SPRED2: variants seen among roughly 807,000 people sequenced by gnomAD.
SPRED2 encodes the protein sprouty-related, EVH1 domain-containing protein 2.
A neutral mutation model predicts 43.0 loss-of-function variants in SPRED2; 47 were observed. The observed-to-expected ratio is 1.09, with a 90% CI of 0.87 to 1.40. The LOEUF is 1.40. Among genes scored for constraint, SPRED2 ranks in the 40% most tolerant of loss-of-function variants. The pLI, the probability that SPRED2 is intolerant of heterozygous loss-of-function variation, is 0.00. For synonymous variants in SPRED2, 225 were observed against 225.7 expected, an observed-to-expected ratio of 1.00 and a Z score of 0.03; for missense variants, 561 against 586.4, an observed-to-expected ratio of 0.96 and a Z score of 0.45.
intron 4 of SPRED2, among the ~76,000 whole-genome samples, chr2:65,323,747 G>A (rs1200934449): frequency 2.6e-5 from 4 of 152,038 alleles, no homozygotes; most frequent in East Asian, 1.9e-4. Context: ...GTGGTGGCAG[G>A]AACCTGTAGT....
chr2:65,419,019 A>G (rs1460391129), intron 1 of SPRED2, among the ~76,000 whole-genome samples: 2 of 152,190 alleles, frequency 1.3e-5, no homozygotes, highest in Non-Finnish European at 2.9e-5. Flanking sequence ...AGAGATGAGA[A>G]AACTGAGTCT....
chr2:65,381,253 G>C lies in SPRED2; in HGVS notation c.27-36357C>G, dbSNP rs190603185. Among the ~76,000 whole-genome samples, 851 of 152,270 alleles carry C rather than the reference G, an allele frequency of 5.6e-3. 5 individuals are homozygous for C. The highest frequency in any genetic ancestry group is 9.3e-3 in the Non-Finnish European group (632 of 68,026). ...GAATTTAACCCTCCCTTGGTGTTGT[G>C]TCCCAGCCTGCACCAGCAGATGTCT... On this transcript the variant is annotated intron_variant, in intron 1 of 5. Transcript: ENST00000356388.
At chr2:65,411,812 C>T (rs1027351540) in intron 1 of SPRED2, among the ~76,000 whole-genome samples, 5 of 152,102 alleles carry the variant, frequency 3.3e-5, no homozygotes, top group African/African-American at 1.2e-4. Context: ...GGATTGAGTA[C>T]TCCGTAGTTT....
intron 1 of SPRED2, among the ~76,000 whole-genome samples, chr2:65,352,780 C>A (rs35749233): frequency 0.11 from 16,779 of 152,056 alleles, 1,373 homozygotes; most frequent in Non-Finnish European, 0.16. Context: ...TGCTCCAACA[C>A]GCCCAGCTAA....
chr2:65,312,486 CA>C lies in SPRED2; in HGVS notation c.*1014del, dbSNP rs1189567319. Reference sequence around the variant, plus strand: ...AGAAGCTCCCTATGGTTTTATTCACCATAACCTTAGTGTTTCTCAACTGGAA... The same window carrying C: ...AGAAGCTCCCTATGGTTTTATTCACCTAACCTTAGTGTTTCTCAACTGGAA... On this transcript the variant is annotated 3_prime_UTR_variant, in exon 6 of 6. Coordinates refer to ENST00000356388, the MANE Select transcript of SPRED2 (RefSeq NM_181784.3). The C allele has an allele frequency of 1.0e-6, 1 of 985,240 alleles. No individual in the cohort carries two copies. Among genetic ancestry groups the C allele is most frequent in the Non-Finnish European group, 1.2e-6 (1 of 829,924 alleles). 61.0% of individuals were successfully genotyped at this position (985,240 alleles called of 1,614,324 possible).
At chr2:65,368,365 G>C (rs1675037916) in intron 1 of SPRED2, among the ~76,000 whole-genome samples, 1 of 152,110 alleles carries the variant, frequency 6.6e-6, no homozygotes, top group African/African-American at 2.4e-5. Flanking sequence ...CTCCTCACGA[G>C]GACTGCAGGC....
intron 1 of SPRED2, among the ~76,000 whole-genome samples, chr2:65,417,292 G>A (rs1254997681): frequency 3.3e-5 from 5 of 152,158 alleles, no homozygotes; most frequent in Admixed American, 1.3e-4. Flanking sequence ...CAAAAACCTT[G>A]GAACTTCACA....
chr2:65,371,893 T>C (rs1675133369), intron 1 of SPRED2, among the ~76,000 whole-genome samples: 1 of 151,976 alleles, frequency 6.6e-6, no homozygotes, highest in African/African-American at 2.4e-5. Flanking sequence ...TTGGCTAACA[T>C]GGTGAAAGCC....
At chr2:65,319,498 C>T (rs920299612) in intron 4 of SPRED2, among the ~76,000 whole-genome samples, 2 of 152,140 alleles carry the variant, frequency 1.3e-5, no homozygotes, top group African/African-American at 2.4e-5. Flanking sequence ...CCTGACCACT[C>T]GAGGATGTCC....
rs1032482319 is a variant in SPRED2, at chr2:65,339,534, C to G, written c.205-4761G>C. ...AACAGATGCTTGAAGGCAGCATGCT[C>G]GTTAAGAGTCATCACCACTCCCTAA... On this transcript the variant is annotated intron_variant, in intron 2 of 5. Transcript: ENST00000356388. Among the ~76,000 whole-genome samples, 13 of 150,524 alleles carry G rather than the reference C, an allele frequency of 8.6e-5. No individual in the cohort carries two copies. The South Asian group carries it at 2.8e-3, about 33-fold the overall frequency.
chr2:65,356,536 C>CTTTTTTTT (rs1274369940), intron 1 of SPRED2, among the ~76,000 whole-genome samples: 1,725 of 59,632 alleles, frequency 0.029, 25 homozygotes, highest in Non-Finnish European at 0.041. Context: ...CCAGTTCCCT[C>CTTTTTTTT]TTTTTTTTTT....
chr2:65,339,744 AAAAG>A (rs1243552608), intron 2 of SPRED2, among the ~76,000 whole-genome samples: 98 of 152,198 alleles, frequency 6.4e-4, no homozygotes, highest in African/African-American at 1.6e-3. Context: ...AAAAAAAAAA[AAAAG>A]AAAGTGAAAG....
intron 1 of SPRED2, among the ~76,000 whole-genome samples, chr2:65,409,690 G>GT (rs1248204110): frequency 2.2e-5 from 1 of 45,898 alleles, no homozygotes; most frequent in African/African-American, 7.9e-5. Context: ...CCAGTTTCCT[G>GT]CAAAAAAAAA....
chr2:65,407,562 T>C (rs115439678), intron 1 of SPRED2, among the ~76,000 whole-genome samples: 1,763 of 152,282 alleles, frequency 0.012, 30 homozygotes, highest in African/African-American at 0.039. Context: ...TTAAAGCTTA[T>C]CTCATTCTGA....
At chr2:65,377,903 T>C (rs570276023) in intron 1 of SPRED2, 34 of 336,948 alleles carry the variant, frequency 1.0e-4, no homozygotes, top group Admixed American at 9.1e-4. Flanking sequence ...TCTTTCCACA[T>C]GCATCCTGAA....
chr2:65,324,775 G>A (rs1351313491), intron 4 of SPRED2, among the ~76,000 whole-genome samples: 3 of 152,154 alleles, frequency 2.0e-5, no homozygotes, highest in African/African-American at 4.8e-5. Flanking sequence ...TCCATTCTGG[G>A]ATGGAATCCT....
intron 1 of SPRED2, among the ~76,000 whole-genome samples, chr2:65,345,259 GTTTTTT>G (rs66991368): frequency 4.8e-4 from 54 of 111,380 alleles, no homozygotes; most frequent in African/African-American, 1.5e-3. Context: ...TTTAGTTGTT[GTTTTTT>G]TTTTTTTTTT....
chr2:65,371,731 T>C (rs1265898285), intron 1 of SPRED2, among the ~76,000 whole-genome samples: 3 of 151,892 alleles, frequency 2.0e-5, no homozygotes, highest in Non-Finnish European at 4.4e-5. Flanking sequence ...GACCTGGCTC[T>C]CGCAGATGAA....
chr2:65,420,333 C>A (rs1174163318), intron 1 of SPRED2, among the ~76,000 whole-genome samples: 1 of 151,972 alleles, frequency 6.6e-6, no homozygotes, highest in Admixed American at 6.5e-5. Context: ...ATTGACAGCA[C>A]AGGCCTTCGT....
Sources: allele counts gnomAD v4.1 joint callset (sites outside exome capture counted in the v4.1 genomes callset), GRCh38; gene constraint gnomAD v4.1.1; transcripts MANE v1.5; gene names NCBI Gene and HGNC (gene_info 2026-07-23, HGNC 2026-07-21).